Variants in NAA60 observed in about 807,000 individuals in gnomAD.
NAA60 encodes N-alpha-acetyltransferase 60, NatF catalytic subunit.
In NAA60, 8 loss-of-function variants were observed where a neutral mutation model predicts 26.1. That is an observed-to-expected ratio of 0.31 (90% CI 0.18 to 0.55). The LOEUF is 0.55. Ranked by LOEUF, NAA60 falls within the 20% of genes least tolerant of loss-of-function variation. The probability of loss-of-function intolerance (pLI) is 0.93; values close to 1 mark genes in which losing one functional copy is unlikely to be tolerated. For missense variants in NAA60, 290 were observed against 311.3 expected (o/e 0.93, Z 0.51); for synonymous variants, 131 against 122.5 (o/e 1.07, Z -0.46).
chr16:3,448,186 A>G (rs1371796229), intron 1 of NAA60, among the ~76,000 whole-genome samples: 2 of 151,176 alleles, frequency 1.3e-5, no homozygotes, highest in African/African-American at 2.4e-5. Flanking sequence ...AAGCAAGAGA[A>G]TCACTTGAGT....
chr16:3,449,298 CA>C (rs2034676815), intron 2 of NAA60, among the ~76,000 whole-genome samples: 1 of 152,058 alleles, frequency 6.6e-6, no homozygotes, highest in South Asian at 2.1e-4. Context: ...GCAGGTGGAT[CA>C]TGAGGTCAGG....
intron 2 of NAA60, among the ~76,000 whole-genome samples, chr16:3,471,269 A>G (rs559327680): frequency 6.6e-6 from 1 of 152,286 alleles, no homozygotes; most frequent in South Asian, 2.1e-4. Context: ...TGGGAGGGCA[A>G]GGCAGGCGGA....
intron 2 of NAA60, among the ~76,000 whole-genome samples, chr16:3,468,639 G>C (rs1215236088): frequency 6.6e-6 from 1 of 152,218 alleles, no homozygotes; most frequent in Non-Finnish European, 1.5e-5. Flanking sequence ...GCTTTTGTTT[G>C]GGTCAAGCAG....
At chr16:3,473,707 T>G (rs11644438) in intron 2 of NAA60, among the ~76,000 whole-genome samples, 83 of 145,914 alleles carry the variant, frequency 5.7e-4, no homozygotes, top group Non-Finnish European at 1.1e-3. Context: ...GCCCCAGCTT[T>G]TTGTTGTTGT....
chr16:3,458,299 C>T, intron 2 of NAA60: 1 of 651,808 alleles, frequency 1.5e-6, no homozygotes, highest in Non-Finnish European at 1.9e-6. Context: ...GGTACGAGCG[C>T]GCTGGTGAGG....
chr16:3,445,973 A>G (rs1959121327), intron 1 of NAA60, among the ~76,000 whole-genome samples: 2 of 152,212 alleles, frequency 1.3e-5, no homozygotes, highest in African/African-American at 2.4e-5. Context: ...CCCTAACTCA[A>G]TTTTGTAAAA....
At position 3,485,558 on chromosome 16, in the gene NAA60, G is replaced by A. The variant is rs1372397380; in HGVS notation, c.*298G>A. ...ATGCACCGTCCCCAGGGCTGACCCA[G>A]TGTGGCTGCATTCACTGGGAGGGGC... On this transcript the variant is annotated 3_prime_UTR_variant, in exon 8 of 8. Transcript: ENST00000407558. 2.2e-6 allele frequency: 1 copy of A among 454,696 alleles called. No homozygotes were observed. 28.2% of individuals were successfully genotyped at this position (454,696 alleles called of 1,614,324 possible).
At chr16:3,448,566 C>A in intron 2 of NAA60, 26 bp downstream of exon 2, 6 of 1,526,990 alleles carry the variant, frequency 3.9e-6, no homozygotes, top group Non-Finnish European at 5.3e-6. Context: ...CTGTGTCCTG[C>A]TATTAATGAT....
intron 2 of NAA60, among the ~76,000 whole-genome samples, chr16:3,465,142 C>G (rs1242487082): frequency 5.9e-5 from 9 of 152,004 alleles, no homozygotes; most frequent in Non-Finnish European, 1.2e-4. Flanking sequence ...TGGCGGGCGC[C>G]TGTAGCCCCA....
At chr16:3,446,555 A>G (rs2034563721) in intron 1 of NAA60, among the ~76,000 whole-genome samples, 1 of 149,036 alleles carries the variant, frequency 6.7e-6, no homozygotes. Flanking sequence ...AAGAAAATAC[A>G]GGGGAAAAAA....
rs568121458 is a variant in NAA60, at chr16:3,464,627, C to G, written c.-6-11595C>G. 1.8e-4 allele frequency among the ~76,000 whole-genome samples: 28 copies of G among 152,246 alleles called. 1 individual carries two copies. In the South Asian group the frequency reaches 4.4e-3, roughly 24 times the overall value. ...GGTTGAGCCTTAAACAGGGTCCAGTCTTGGGTGTTAGTCAAGAATGCTGTT... is the reference window on the plus strand; with the variant it reads ...GGTTGAGCCTTAAACAGGGTCCAGTGTTGGGTGTTAGTCAAGAATGCTGTT... On this transcript the variant is annotated intron_variant, in intron 2 of 7. Transcript: ENST00000407558.
rs551945989 is a variant in NAA60 at position 3,451,788 on chromosome 16, G to A, written c.-7+3248G>A. On this transcript the variant is annotated intron_variant, in intron 2 of 7. Coordinates refer to ENST00000407558, the MANE Select transcript of NAA60 (RefSeq NM_001083601.3). ...CAAAAACTAGTGAGGCTTGGTGGTA[G>A]GCGCCTGTACTCCCAGCTACTCGGG... 4.0e-5 allele frequency among the ~76,000 whole-genome samples: 6 copies of A among 151,654 alleles called. No homozygotes were observed. The East Asian group carries it at 7.8e-4, about 20-fold the overall frequency.
intron 2 of NAA60, among the ~76,000 whole-genome samples, chr16:3,467,489 C>A (rs2035842532): frequency 6.6e-6 from 1 of 152,058 alleles, no homozygotes; most frequent in African/African-American, 2.4e-5. Flanking sequence ...GCAGTGCCTT[C>A]GAAGGAGGAG....
chr16:3,468,673 C>CGCTCCACCTCCGGAAGG (rs1419170258), intron 2 of NAA60, among the ~76,000 whole-genome samples: 1 of 152,234 alleles, frequency 6.6e-6, no homozygotes, highest in Non-Finnish European at 1.5e-5. Flanking sequence ...CTCCTTGCAT[C>CGCTCCACCTCCGGAAGG]GCTCCACCTC....
chr16:3,452,763 T>A (rs1002793389), intron 2 of NAA60, among the ~76,000 whole-genome samples: 2 of 151,834 alleles, frequency 1.3e-5, no homozygotes, highest in Non-Finnish European at 2.9e-5. Flanking sequence ...GAGACCAGCC[T>A]GGGCAACATA....
chr16:3,480,957 C>T (rs2036792250), intron 4 of NAA60, among the ~76,000 whole-genome samples: 2 of 152,090 alleles, frequency 1.3e-5, no homozygotes, highest in Non-Finnish European at 2.9e-5. Flanking sequence ...CCTTTAAGGA[C>T]CCGAATCCAC....
intron 2 of NAA60, 39 bp from the exon 3 acceptor site, chr16:3,476,183 G>C: frequency 1.3e-6 from 2 of 1,496,684 alleles, no homozygotes; most frequent in Non-Finnish European, 1.8e-6. Flanking sequence ...AGGAAGACCA[G>C]GCTGTGAGGT....
chr16:3,475,891 G>A (rs114335414), intron 2 of NAA60, among the ~76,000 whole-genome samples: 4 of 152,218 alleles, frequency 2.6e-5, no homozygotes, highest in Non-Finnish European at 5.9e-5. Flanking sequence ...GTTGACCCTC[G>A]GAAGGACCAC....
At chr16:3,449,158 A>C (rs3848358) in intron 2 of NAA60, among the ~76,000 whole-genome samples, 78,148 of 150,792 alleles carry the variant, frequency 0.52, 20,478 homozygotes, top group East Asian at 0.73. Flanking sequence ...AGATCTCTGG[A>C]GGTCAGGAGT....
Sources: allele counts gnomAD v4.1 joint callset (sites outside exome capture counted in the v4.1 genomes callset), GRCh38; gene constraint gnomAD v4.1.1; transcripts MANE v1.5; gene names NCBI Gene and HGNC (gene_info 2026-07-23, HGNC 2026-07-21).